Variants in CDH20 observed in about 807,000 individuals in gnomAD.
CDH20 encodes cadherin-20.
Under a neutral mutation model 74.2 loss-of-function variants are expected in CDH20, and 29 were observed. The ratio of observed to expected loss-of-function variants is 0.39; its 90% CI spans 0.29 to 0.53. The LOEUF (loss-of-function observed/expected upper bound fraction) is 0.53, where lower values mean the gene tolerates loss of function less well. Among genes scored for constraint, CDH20 ranks in the 20% least tolerant of loss-of-function variants. The probability of loss-of-function intolerance (pLI) is 0.69; values close to 1 mark genes in which losing one functional copy is unlikely to be tolerated. For missense variants in CDH20, 988 were observed against 1,048.3 expected (o/e 0.94, Z 0.79); for synonymous variants, 469 against 405.4 (o/e 1.16, Z -1.88).
chr18:61,381,002 C>T (rs1911417468), intron 1 of CDH20, among the ~76,000 whole-genome samples: 1 of 152,034 alleles, frequency 6.6e-6, no homozygotes, highest in Non-Finnish European at 1.5e-5. Flanking sequence ...GCTAATTAGC[C>T]CTTCAAATTA....
rs576706681 is a variant in CDH20 at position 61,387,720 on chromosome 18, G to C, written c.-153+53893G>C. On this transcript the variant is annotated intron_variant, in intron 1 of 11. Coordinates refer to ENST00000262717, the MANE Select transcript of CDH20 (RefSeq NM_031891.4). ...TATATGTCTGCCAGCCAACTGCACT[G>C]TACATCAAGAGTTATACAGAGACAG... 8.5e-5 allele frequency among the ~76,000 whole-genome samples: 13 copies of C among 152,252 alleles called. No individual in the cohort carries two copies. In the South Asian group the frequency reaches 2.3e-3, roughly 27 times the overall value.
chr18:61,351,754 T>G (rs1402892555), intron 1 of CDH20, among the ~76,000 whole-genome samples: 3 of 152,190 alleles, frequency 2.0e-5, no homozygotes, highest in Non-Finnish European at 4.4e-5. Flanking sequence ...ACTTGATGTC[T>G]TTCTTTAAAA....
chr18:61,519,885 T>C lies in CDH20; in HGVS notation c.1018-8082T>C, dbSNP rs183435815. Among the ~76,000 whole-genome samples the C allele has an allele frequency of 8.3e-5, 12 of 144,890 alleles. No individual in the cohort carries two copies. In the East Asian group the frequency reaches 2.4e-3, roughly 29 times the overall value. The stretch of plus-strand genomic sequence containing the variant: ...CTGTATTCAGGAGACACATCTAACA[T>C]GCAAAGACAAACACAGGCTCAAAAT... On this transcript the variant is annotated intron_variant, in intron 6 of 11. Coordinates refer to ENST00000262717, the MANE Select transcript of CDH20 (RefSeq NM_031891.4).
At chr18:61,388,603 T>C (rs1414789429) in intron 1 of CDH20, among the ~76,000 whole-genome samples, 1 of 152,208 alleles carries the variant, frequency 6.6e-6, no homozygotes, top group Non-Finnish European at 1.5e-5. Flanking sequence ...TCACAGCTCA[T>C]TATTTTTCAC....
chr18:61,387,091 AG>A (rs1911623751), intron 1 of CDH20, among the ~76,000 whole-genome samples: 1 of 152,216 alleles, frequency 6.6e-6, no homozygotes, highest in South Asian at 2.1e-4. Context: ...TTTGTCAGCC[AG>A]GAACTCTGGT....
chr18:61,473,441 C>G (rs531198651), intron 1 of CDH20, among the ~76,000 whole-genome samples: 7 of 152,140 alleles, frequency 4.6e-5, no homozygotes, highest in Admixed American at 3.9e-4. Flanking sequence ...TGTTCTTAGC[C>G]TCATAAGAAC....
intron 1 of CDH20, among the ~76,000 whole-genome samples, chr18:61,398,924 G>A (rs1287257957): frequency 6.6e-6 from 1 of 152,090 alleles, no homozygotes; most frequent in Non-Finnish European, 1.5e-5. Flanking sequence ...TGCCAGGGAG[G>A]ACAGGGTAGG....
intron 1 of CDH20, among the ~76,000 whole-genome samples, chr18:61,449,801 C>T (rs903527965): frequency 6.6e-6 from 1 of 151,692 alleles, no homozygotes; most frequent in African/African-American, 2.4e-5. Context: ...CATATGCACA[C>T]TGGATAACTG....
At position 61,538,584 on chromosome 18, in the gene CDH20, G is replaced by GTTT. The variant is rs1568182044; in HGVS notation, c.1409-439_1409-437dup. Among the ~76,000 whole-genome samples, 194 of 55,800 alleles carry GTTT rather than the reference G, an allele frequency of 3.5e-3. 25 individuals are homozygous for GTTT. The highest frequency in any genetic ancestry group is 0.02 in the Middle Eastern group (2 of 102). 36.6% of individuals were successfully genotyped at this position (55,800 alleles called of 152,430 possible). ...CTCACCAAGTAAATAACTACTTTTT[G>GTTT]TTTGTTTGTTTGTTTTTGTTTTTGT... On this transcript the variant is annotated intron_variant, in intron 8 of 11. Coordinates refer to ENST00000262717, the MANE Select transcript of CDH20 (RefSeq NM_031891.4).
chr18:61,361,218 TA>T (rs1020933675), intron 1 of CDH20, among the ~76,000 whole-genome samples: 2 of 152,180 alleles, frequency 1.3e-5, no homozygotes, highest in South Asian at 2.1e-4. Context: ...GTAACAGAGC[TA>T]GGGGGAAGGA....
chr18:61,555,628 T>G lies in CDH20; in HGVS notation c.*933T>G, dbSNP rs972964927. 3.0e-6 allele frequency: 3 copies of G among 984,146 alleles called. No homozygotes were observed. In the African/African-American group the frequency reaches 5.2e-5, roughly 17 times the overall value. 61.0% of individuals were successfully genotyped at this position (984,146 alleles called of 1,614,324 possible). On this transcript the variant is annotated 3_prime_UTR_variant, in exon 12 of 12. Coordinates refer to ENST00000262717, the MANE Select transcript of CDH20 (RefSeq NM_031891.4). ...GTTTACATACTGTAGATAACCTACT[T>G]GAACAAAAATCAGTATTATAGAGAA...
chr18:61,481,593 G>T (rs1027566928), intron 1 of CDH20, among the ~76,000 whole-genome samples: 2 of 152,128 alleles, frequency 1.3e-5, no homozygotes, highest in African/African-American at 4.8e-5. Flanking sequence ...TTTTGTTAGG[G>T]CATTAAAAGG....
chr18:61,534,659 C>T (rs1312350049), intron 7 of CDH20, among the ~76,000 whole-genome samples: 2 of 152,212 alleles, frequency 1.3e-5, no homozygotes, highest in Non-Finnish European at 2.9e-5. Flanking sequence ...ACAAATACCA[C>T]ATGATCTCAG....
chr18:61,524,237 C>T (rs1776893672), intron 6 of CDH20, among the ~76,000 whole-genome samples: 1 of 152,004 alleles, frequency 6.6e-6, no homozygotes, highest in Non-Finnish European at 1.5e-5. Context: ...CCAATCAGAA[C>T]TACAATGAGA....
At chr18:61,508,681 G>T (rs933633547) in intron 6 of CDH20, among the ~76,000 whole-genome samples, 25 of 152,088 alleles carry the variant, frequency 1.6e-4, no homozygotes, top group African/African-American at 5.8e-4. Flanking sequence ...TTGTCACCCA[G>T]GCTGGAGTAC....
chr18:61,553,161 C>T (rs3760606), intron 11 of CDH20, among the ~76,000 whole-genome samples: 60,104 of 151,832 alleles, frequency 0.4, 12,021 homozygotes, highest in African/African-American at 0.46. Context: ...TCTTTTACTG[C>T]ATGTATGAAT....
At chr18:61,406,738 G>A (rs988609068) in intron 1 of CDH20, among the ~76,000 whole-genome samples, 5 of 152,206 alleles carry the variant, frequency 3.3e-5, no homozygotes, top group Admixed American at 6.5e-5. Context: ...GGAGGAAAGC[G>A]GAGGAATTCA....
chr18:61,535,799 G>T (rs950409772), intron 7 of CDH20, among the ~76,000 whole-genome samples: 1 of 152,200 alleles, frequency 6.6e-6, no homozygotes, highest in African/African-American at 2.4e-5. Flanking sequence ...ACATTTGCTT[G>T]TTATACATCA....
Position 61,490,457 on chromosome 18 carries a change from T to C in CDH20, c.-97T>C. Reference sequence around the variant, plus strand: ...CGGGATCTCATTTAGGAAGCATAAGTGTCCAATCAAAAACTGTGTATTTTT... The same window carrying C: ...CGGGATCTCATTTAGGAAGCATAAGCGTCCAATCAAAAACTGTGTATTTTT... On this transcript the variant is annotated 5_prime_UTR_variant, in exon 2 of 12. Transcript: ENST00000262717. 1 of 1,194,118 alleles carries C rather than the reference T, an allele frequency of 8.4e-7. No individual in the cohort carries two copies. Among genetic ancestry groups the C allele is most frequent in the Non-Finnish European group, 1.2e-6 (1 of 828,284 alleles). 74.0% of individuals were successfully genotyped at this position (1,194,118 alleles called of 1,614,324 possible).
Sources: gnomAD v4.1 joint callset for allele counts (sites outside exome capture counted in the v4.1 genomes callset) on GRCh38, gnomAD v4.1.1 for gene constraint, MANE v1.5 for transcripts, NCBI Gene and HGNC (gene_info 2026-07-23, HGNC 2026-07-21) for gene names.